Variants in RAE1 observed in about 807,000 individuals in gnomAD.
The protein encoded by RAE1 is ribonucleic acid export 1, also known as mRNA export factor RAE1.
Under a neutral mutation model 52.7 loss-of-function variants are expected in RAE1, and 13 were observed. The ratio of observed to expected loss-of-function variants is 0.25; its 90% CI spans 0.16 to 0.39. The LOEUF is 0.39. RAE1 is among the 10% of genes least tolerant of loss of function. The pLI is 1.00. For missense variants in RAE1, 262 were observed against 459.8 expected (o/e 0.57, Z 3.93); for synonymous variants, 164 against 153.1 (o/e 1.07, Z -0.52).
chr20:57,351,794 G>T, intron 1 of RAE1: 1 of 985,428 alleles, frequency 1.0e-6, no homozygotes, highest in Non-Finnish European at 1.2e-6. Flanking sequence ...CCTCTTCCAC[G>T]TCAACCTGCT....
At chr20:57,358,271 T>C (rs535414344) in intron 4 of RAE1, 1 of 152,330 alleles carries the variant, frequency 6.6e-6, no homozygotes, top group African/African-American at 2.4e-5. Flanking sequence ...GTCCTTTGCA[T>C]AGTTGTATAT....
chr20:57,371,809 A>T (rs1275465797), intron 8 of RAE1: 9 of 152,224 alleles, frequency 5.9e-5, no homozygotes, highest in Admixed American at 5.9e-4. Flanking sequence ...AAAGAAAATG[A>T]AGTGTATACC....
At position 57,356,727 on chromosome 20, in the gene RAE1, T is replaced by C. The variant is rs144922651; in HGVS notation, c.288+189T>C. Among the ~76,000 whole-genome samples, 1,374 of 152,320 alleles carry C rather than the reference T, an allele frequency of 9.0e-3. 5 individuals are homozygous for C. The highest frequency in any genetic ancestry group is 0.013 in the Non-Finnish European group (887 of 68,028). ...TAGTTAGCCACTTTCTTTGAAAGCT[T>C]TTCTTGTATTAAATTTTGTGTGTGT... On this transcript the variant is annotated intron_variant, in intron 4 of 11. Coordinates refer to ENST00000395841, the MANE Select transcript of RAE1 (RefSeq NM_003610.4).
chr20:57,352,557 A>T (rs527464238), intron 1 of RAE1, among the ~76,000 whole-genome samples: 2 of 152,364 alleles, frequency 1.3e-5, no homozygotes, highest in South Asian at 4.1e-4. Flanking sequence ...GGTGTGGTCC[A>T]CACTGACTAA....
intron 4 of RAE1, among the ~76,000 whole-genome samples, chr20:57,363,108 C>G (rs1207267880): frequency 6.6e-6 from 1 of 152,210 alleles, no homozygotes; most frequent in African/African-American, 2.4e-5. Flanking sequence ...GAAAAGTAAA[C>G]CATTTGCCTA....
chr20:57,367,696 C>T (rs976353619), intron 7 of RAE1, among the ~76,000 whole-genome samples: 2 of 146,174 alleles, frequency 1.4e-5, no homozygotes, highest in African/African-American at 2.5e-5. Flanking sequence ...GCTGAGATCA[C>T]GCTGTTGCAC....
intron 11 of RAE1, chr20:57,375,201 G>C (rs1381120207): frequency 1.6e-6 from 1 of 606,064 alleles, no homozygotes; most frequent in Non-Finnish European, 2.9e-6. Context: ...GAGTGGGGCT[G>C]CATTTTTGAG....
At chr20:57,368,834 G>T (rs765508827) in intron 8 of RAE1, 22 bp downstream of exon 8, 1 of 1,572,348 alleles carries the variant, frequency 6.4e-7, no homozygotes, top group Non-Finnish European at 8.7e-7. Flanking sequence ...GTCAAATCAA[G>T]AAGTATGTAT....
At chr20:57,357,322 T>G (rs1442081243) in intron 4 of RAE1, 1 of 152,152 alleles carries the variant, frequency 6.6e-6, no homozygotes, top group Non-Finnish European at 1.5e-5. Flanking sequence ...GTCCCTATAG[T>G]TTTGCTTTTA....
chr20:57,373,252 G>A lies in RAE1; in HGVS notation c.643-223G>A, dbSNP rs1354505634. On this transcript the variant is annotated intron_variant, in intron 8 of 11. Coordinates refer to ENST00000395841, the MANE Select transcript of RAE1 (RefSeq NM_003610.4). ...GGGTGGCAGAGGGAGAGCGAGCAGC[G>A]GGGGCGGGGGAGGAGCACAGGGTGT... is the stretch of plus-strand genomic sequence containing the variant. The A allele has an allele frequency of 3.3e-5, 18 of 550,822 alleles. No homozygotes were observed. In the East Asian group the frequency reaches 4.7e-4, roughly 14 times the overall value. The allele number at this position is 550,822 out of a possible 1,614,324, so 34.1% of individuals were successfully genotyped here.
In RAE1 at chr20:57,351,391, G is replaced by A. The variant is rs552498165; in HGVS notation, c.-39G>A. 1.1e-5 allele frequency: 11 copies of A among 985,502 alleles called. No individual in the cohort carries two copies. The East Asian group carries it at 3.4e-4, about 31-fold the overall frequency. 61.0% of individuals were successfully genotyped at this position (985,502 alleles called of 1,614,324 possible). On this transcript the variant is annotated 5_prime_UTR_variant, in exon 1 of 12. Transcript: ENST00000395841. ...AACTCCTCAGACCCTTCTGCTCCCG[G>A]CCGCCGCTTTCCGCCGGGGCGAGAC... is the stretch of plus-strand genomic sequence containing the variant.
chr20:57,375,948 G>C (rs117376471), intron 11 of RAE1, among the ~76,000 whole-genome samples: 1 of 152,138 alleles, frequency 6.6e-6, no homozygotes, highest in Admixed American at 6.5e-5. Context: ...CTGGCCCCCC[G>C]CTATCTCAGC....
chr20:57,357,379 C>T (rs1270875608), intron 4 of RAE1: 4 of 152,154 alleles, frequency 2.6e-5, no homozygotes, highest in Admixed American at 6.5e-5. Flanking sequence ...CCTTTGCGCT[C>T]AGCATGTTGC....
Position 57,365,449 on chromosome 20 carries a change from G to A in RAE1, c.375+7G>A. 3 of 1,588,768 alleles carry A rather than the reference G, an allele frequency of 1.9e-6. No homozygotes were observed. The highest frequency in any genetic ancestry group is 2.6e-6 in the Non-Finnish European group (3 of 1,164,520). Reference sequence around the variant, plus strand: ...AGCGATACAGATCGCACAGGTAACAGAAGCCTCTGCAGAAAGGCTAGGCAC... The same window carrying A: ...AGCGATACAGATCGCACAGGTAACAAAAGCCTCTGCAGAAAGGCTAGGCAC... On this transcript the variant is annotated splice_region_variant and intron_variant, in intron 5 of 11. Transcript: ENST00000395841.
intron 10 of RAE1, among the ~76,000 whole-genome samples, chr20:57,374,030 A>G (rs888961757): frequency 8.5e-5 from 13 of 152,116 alleles, no homozygotes; most frequent in African/African-American, 3.1e-4. Flanking sequence ...AGTAGTTGGG[A>G]CTACAGGCGC....
chr20:57,356,103 TATA>T (rs759223548), intron 3 of RAE1, among the ~76,000 whole-genome samples: 1 of 152,214 alleles, frequency 6.6e-6, no homozygotes, highest in Non-Finnish European at 1.5e-5. Context: ...GGGGAGATTA[TATA>T]AAGTATTCAG....
At chr20:57,356,584 G>C in intron 4 of RAE1, 46 bp downstream of exon 4, 1 of 1,460,194 alleles carries the variant, frequency 6.8e-7, no homozygotes, top group African/African-American at 1.4e-5. Flanking sequence ...TTAAAGTACA[G>C]AATGATTTAG....
rs1475505285 is a variant in RAE1, at chr20:57,354,698, C to CT, written c.91-8dup. 1.3e-6 allele frequency: 2 copies of CT among 1,547,744 alleles called. No homozygotes were observed. The highest frequency in any genetic ancestry group is 1.7e-6 in the Non-Finnish European group (2 of 1,149,040). On this transcript the variant is annotated splice_polypyrimidine_tract_variant and intron_variant, in intron 2 of 11. Transcript: ENST00000395841. ...GAGCGTGCATACATTTTAACATTGACTTTTTTCCCGCAGGATATTGAAGTA... is the reference window on the plus strand; with the variant it reads ...GAGCGTGCATACATTTTAACATTGACTTTTTTTCCCGCAGGATATTGAAGTA...
chr20:57,374,126 C>T (rs369244664), intron 10 of RAE1, among the ~76,000 whole-genome samples: 5 of 152,152 alleles, frequency 3.3e-5, no homozygotes, highest in Non-Finnish European at 5.9e-5. Flanking sequence ...GTGATTTGCC[C>T]GCCTCGGCCT....
Sources: gnomAD v4.1 joint callset for allele counts (sites outside exome capture counted in the v4.1 genomes callset) on GRCh38, gnomAD v4.1.1 for gene constraint, MANE v1.5 for transcripts, NCBI Gene and HGNC (gene_info 2026-07-23, HGNC 2026-07-21) for gene names.